Variants in BFSP2 observed in about 807,000 individuals in gnomAD.
The protein encoded by BFSP2 is beaded filament structural protein 2, also known as phakinin.
A neutral mutation model predicts 44.9 loss-of-function variants in BFSP2; 38 were observed. The observed-to-expected ratio is 0.85, with a 90% CI of 0.65 to 1.11. The LOEUF (loss-of-function observed/expected upper bound fraction) is 1.11, where lower values mean the gene tolerates loss of function less well. Among genes scored for constraint, BFSP2 ranks in the 50% least tolerant of loss-of-function variants. BFSP2 has a pLI of 0.00. For synonymous variants in BFSP2, 197 were observed against 209.9 expected, an observed-to-expected ratio of 0.94 and a Z score of 0.53; for missense variants, 525 against 533.0, an observed-to-expected ratio of 0.99 and a Z score of 0.15.
chr3:133,450,826 T>C (rs2073956506), intron 4 of BFSP2, among the ~76,000 whole-genome samples: 1 of 152,112 alleles, frequency 6.6e-6, no homozygotes, highest in Non-Finnish European at 1.5e-5. Flanking sequence ...GAAAGAATAA[T>C]TGAGGCCGGG....
At chr3:133,413,208 C>T (rs6810268) in intron 1 of BFSP2, among the ~76,000 whole-genome samples, 2,220 of 151,926 alleles carry the variant, frequency 0.015, 32 homozygotes, top group East Asian at 0.055. Context: ...CTGTCAGTGG[C>T]TTTTGGGGTG....
At chr3:133,450,872 GAGGCCA>G (rs911686364) in intron 4 of BFSP2, among the ~76,000 whole-genome samples, 4 of 152,188 alleles carry the variant, frequency 2.6e-5, no homozygotes, top group Non-Finnish European at 4.4e-5. Context: ...AGCACTTTGG[GAGGCCA>G]AGGCGGGCGG....
At position 133,474,966 on chromosome 3, in the gene BFSP2, C is replaced by G. The variant is rs778064751; in HGVS notation, c.1245-3C>G. 6.2e-7 allele frequency: 1 copy of G among 1,614,188 alleles called. No individual in the cohort carries two copies. The highest frequency in any genetic ancestry group is 8.5e-7 in the Non-Finnish European group (1 of 1,180,014). Reference sequence around the variant, plus strand: ...CTTCTGACTCCTATGTGTTTCCTTTCAGCTGATGGAGAAACTTCCTCTTTT... The same window carrying G: ...CTTCTGACTCCTATGTGTTTCCTTTGAGCTGATGGAGAAACTTCCTCTTTT... On this transcript the variant is annotated splice_polypyrimidine_tract_variant and splice_region_variant and intron_variant, in intron 6 of 6. Coordinates refer to ENST00000302334, the MANE Select transcript of BFSP2 (RefSeq NM_003571.4).
intron 1 of BFSP2, among the ~76,000 whole-genome samples, chr3:133,446,924 C>T (rs1254468109): frequency 2.0e-5 from 3 of 151,734 alleles, no homozygotes; most frequent in Non-Finnish European, 4.4e-5. Context: ...GAGCTTTCAC[C>T]AGCCTTCCAA....
chr3:133,454,352 T>A (rs142083962), intron 4 of BFSP2, among the ~76,000 whole-genome samples: 337 of 152,220 alleles, frequency 2.2e-3, no homozygotes, highest in African/African-American at 7.7e-3. Context: ...ATCCTTTTTG[T>A]CCCCTATGCT....
At position 133,400,584 on chromosome 3, in the gene BFSP2, G is replaced by A; in HGVS notation, c.489+12G>A. The A allele has an allele frequency of 1.3e-6, 2 of 1,586,132 alleles. No individual in the cohort carries two copies. The highest frequency in any genetic ancestry group is 2.3e-5 in the South Asian group (2 of 87,924). Reference sequence around the variant, plus strand: ...GCAGCTGCCAGCAGGTAAGTGTCCAGGCTGTGCCAAGGGCTTTGCAGAGGG... The same window carrying A: ...GCAGCTGCCAGCAGGTAAGTGTCCAAGCTGTGCCAAGGGCTTTGCAGAGGG... On this transcript the variant is annotated intron_variant, in intron 1 of 6. Transcript: ENST00000302334. The surrounding 1 kb of genome is among the most constrained non-coding windows in gnomAD (Gnocchi z 4.0).
intron 1 of BFSP2, among the ~76,000 whole-genome samples, chr3:133,413,985 T>A (rs143267727): frequency 4.6e-5 from 7 of 151,542 alleles, no homozygotes; most frequent in Non-Finnish European, 8.9e-5. Context: ...GCCTGGCCCC[T>A]GTACTCACGC....
At chr3:133,431,357 C>T (rs1359826612) in intron 1 of BFSP2, among the ~76,000 whole-genome samples, 1 of 152,204 alleles carries the variant, frequency 6.6e-6, no homozygotes, top group Non-Finnish European at 1.5e-5. Context: ...ACCTGAACCG[C>T]AGCAGCCAGG....
At chr3:133,420,807 C>T (rs916000253) in intron 1 of BFSP2, among the ~76,000 whole-genome samples, 2 of 152,192 alleles carry the variant, frequency 1.3e-5, no homozygotes, top group Non-Finnish European at 2.9e-5. Flanking sequence ...CTCTGTGCCT[C>T]TCACGTGCTG....
intron 1 of BFSP2, among the ~76,000 whole-genome samples, chr3:133,407,109 T>A (rs1368830030): frequency 2.0e-5 from 3 of 152,090 alleles, no homozygotes; most frequent in Non-Finnish European, 2.9e-5. Context: ...CTGCTGGGCA[T>A]GGTGGTACAA....
At chr3:133,464,397 A>T (rs934737235) in intron 4 of BFSP2, among the ~76,000 whole-genome samples, 1 of 152,216 alleles carries the variant, frequency 6.6e-6, no homozygotes, top group African/African-American at 2.4e-5. Flanking sequence ...TCAGTTTCCT[A>T]TGAGGATAAT....
Position 133,400,795 on chromosome 3 carries a change from T to C in BFSP2, c.489+223T>C, listed in dbSNP as rs1325236853. On this transcript the variant is annotated intron_variant, in intron 1 of 6. Coordinates refer to ENST00000302334, the MANE Select transcript of BFSP2 (RefSeq NM_003571.4). The surrounding 1 kb of genome is among the most constrained non-coding windows in gnomAD (Gnocchi z 4.0). ...GCACTACCCACTGTCTTCTTTAAAC[T>C]TCAAAGAAATGCTATGCAGTGGATC... Among the ~76,000 whole-genome samples the C allele has an allele frequency of 6.6e-6, 1 of 152,244 alleles. No individual in the cohort carries two copies. The highest frequency in any genetic ancestry group is 2.4e-5 in the African/African-American group (1 of 41,470).
intron 4 of BFSP2, among the ~76,000 whole-genome samples, chr3:133,450,904 G>A (rs113182895): frequency 1.3e-5 from 2 of 152,132 alleles, no homozygotes; most frequent in Non-Finnish European, 2.9e-5. Context: ...GAGGTCAGGA[G>A]ATCGATACCA....
intron 1 of BFSP2, among the ~76,000 whole-genome samples, chr3:133,440,147 A>G (rs1027412054): frequency 6.6e-6 from 1 of 152,156 alleles, no homozygotes; most frequent in Admixed American, 6.5e-5. Flanking sequence ...GTGCAGGGGA[A>G]CTTCCCTTTA....
intron 4 of BFSP2, 125 bp from the exon 5 acceptor site, chr3:133,466,703 T>C: frequency 4.4e-6 from 1 of 225,546 alleles, no homozygotes; most frequent in East Asian, 1.2e-4. Context: ...AAAAAGATGT[T>C]TCCACGTGAC....
At chr3:133,448,265 G>T (rs2073921889) in intron 2 of BFSP2, among the ~76,000 whole-genome samples, 2 of 152,158 alleles carry the variant, frequency 1.3e-5, no homozygotes, top group Admixed American at 6.5e-5. Context: ...CCATGAGGCT[G>T]GTAGCCCGGG....
At chr3:133,473,170 C>T (rs1296174287) in intron 6 of BFSP2, among the ~76,000 whole-genome samples, 2 of 151,942 alleles carry the variant, frequency 1.3e-5, no homozygotes, top group Non-Finnish European at 2.9e-5. Context: ...CTAACAAGCT[C>T]CCAAGTGATG....
intron 6 of BFSP2, among the ~76,000 whole-genome samples, chr3:133,474,527 A>C (rs963587308): frequency 6.6e-6 from 1 of 152,214 alleles, no homozygotes; most frequent in Non-Finnish European, 1.5e-5. Flanking sequence ...ATTTTTGTTG[A>C]TTATAAAAGC....
chr3:133,448,971 T>C (rs1461412365), intron 3 of BFSP2: 10 of 345,024 alleles, frequency 2.9e-5, no homozygotes, highest in South Asian at 1.1e-4. Context: ...GGTTTTTTTT[T>C]CAACACTGTA....
Sources: gnomAD v4.1 joint callset for allele counts (sites outside exome capture counted in the v4.1 genomes callset) on GRCh38, gnomAD v4.1.1 for gene constraint, Gnocchi (gnomAD v3.1) non-coding constraint, MANE v1.5 for transcripts, NCBI Gene and HGNC (gene_info 2026-07-23, HGNC 2026-07-21) for gene names.